PTPRT: variants seen among roughly 807,000 people sequenced by gnomAD.
The protein encoded by PTPRT is receptor-type tyrosine-protein phosphatase T.
Under a neutral mutation model 176.8 loss-of-function variants are expected in PTPRT, and 56 were observed. The ratio of observed to expected loss-of-function variants is 0.32; its 90% CI spans 0.26 to 0.40. The LOEUF (loss-of-function observed/expected upper bound fraction) is 0.40. PTPRT is among the 10% of genes least tolerant of loss of function. The pLI, the probability that PTPRT is intolerant of heterozygous loss-of-function variation, is 1.00. For synonymous variants in PTPRT, 783 were observed against 739.0 expected (o/e 1.06, Z -0.96); for missense variants, 1,540 against 1,908.2 (o/e 0.81, Z 3.60).
At position 42,954,025 on chromosome 20, in the gene PTPRT, A is replaced by T. The variant is rs1215312643; in HGVS notation, c.89-68093T>A. Among the ~76,000 whole-genome samples the T allele has an allele frequency of 2.0e-5, 3 of 152,066 alleles. No homozygotes were observed. The South Asian group carries it at 6.2e-4, about 32-fold the overall frequency. ...CTGGGAGATAATGGACGAGTCTGGG[A>T]GATGTCACAGGGGGAGGAGGGACTC... On this transcript the variant is annotated intron_variant, in intron 1 of 30. Coordinates refer to ENST00000373187, the MANE Select transcript of PTPRT (RefSeq NM_007050.6).
At chr20:42,170,991 A>G (rs1375460971) in intron 16 of PTPRT, among the ~76,000 whole-genome samples, 2 of 152,214 alleles carry the variant, frequency 1.3e-5, no homozygotes, top group Non-Finnish European at 2.9e-5. Context: ...ATGTATAAAA[A>G]ATCAGAAACT....
chr20:43,128,041 G>C (rs986946509), intron 1 of PTPRT, among the ~76,000 whole-genome samples: 16 of 152,214 alleles, frequency 1.1e-4, no homozygotes, highest in African/African-American at 3.6e-4. Flanking sequence ...TCTTTCCATA[G>C]TAGCGGTTAT....
chr20:42,540,796 T>C (rs2072565208), intron 7 of PTPRT, among the ~76,000 whole-genome samples: 1 of 152,156 alleles, frequency 6.6e-6, no homozygotes, highest in Non-Finnish European at 1.5e-5. Context: ...AGCATTTACA[T>C]AGTCAAAATA....
chr20:43,182,315 C>G (rs1026686071), intron 1 of PTPRT, among the ~76,000 whole-genome samples: 2 of 151,952 alleles, frequency 1.3e-5, no homozygotes, highest in Admixed American at 1.3e-4. Context: ...AACATGTAGT[C>G]GGCAGCACTG....
intron 6 of PTPRT, among the ~76,000 whole-genome samples, chr20:42,738,911 A>G (rs2076571451): frequency 6.6e-6 from 1 of 152,154 alleles, no homozygotes; most frequent in Non-Finnish European, 1.5e-5. Flanking sequence ...GTCTCTCCAA[A>G]GAATATAAAA....
chr20:42,975,973 G>A (rs536185406), intron 1 of PTPRT, among the ~76,000 whole-genome samples: 1 of 150,748 alleles, frequency 6.6e-6, no homozygotes, highest in Admixed American at 6.6e-5. Flanking sequence ...TGAAGCACTC[G>A]ATCTTCTCAC....
At chr20:42,088,843 G>A (rs1342293115) in intron 27 of PTPRT, among the ~76,000 whole-genome samples, 1 of 152,176 alleles carries the variant, frequency 6.6e-6, no homozygotes, top group Non-Finnish European at 1.5e-5. Context: ...CATAATTCAT[G>A]TAAATAAACC....
intron 7 of PTPRT, among the ~76,000 whole-genome samples, chr20:42,655,408 T>C (rs969261): frequency 0.48 from 73,179 of 152,016 alleles, 19,110 homozygotes; most frequent in Admixed American, 0.58. Context: ...GGAGAATCAC[T>C]TGAAACTGGG....
chr20:42,322,243 G>A (rs1181384027), intron 11 of PTPRT, among the ~76,000 whole-genome samples: 2 of 150,912 alleles, frequency 1.3e-5, no homozygotes, highest in African/African-American at 4.9e-5. Flanking sequence ...TTTCTTCACA[G>A]AATTGGAAAA....
intron 6 of PTPRT, among the ~76,000 whole-genome samples, chr20:42,740,378 A>T (rs2076590556): frequency 1.3e-5 from 2 of 152,148 alleles, no homozygotes; most frequent in Admixed American, 1.3e-4. Context: ...TTATCCAGTT[A>T]GAGTTGGGTG....
chr20:42,180,025 A>T (rs2903465), intron 16 of PTPRT, among the ~76,000 whole-genome samples: 51,426 of 152,112 alleles, frequency 0.34, 9,146 homozygotes, highest in Admixed American at 0.38. Flanking sequence ...TCCTGCAGAT[A>T]GACGTGTTTT....
chr20:42,764,164 G>A (rs2076952569), intron 5 of PTPRT, among the ~76,000 whole-genome samples: 1 of 152,100 alleles, frequency 6.6e-6, no homozygotes, highest in African/African-American at 2.4e-5. Context: ...CATCAAATCT[G>A]AAAAGAGAAG....
intron 19 of PTPRT, among the ~76,000 whole-genome samples, chr20:42,121,603 G>C (rs1987592115): frequency 6.6e-6 from 1 of 151,914 alleles, no homozygotes; most frequent in South Asian, 2.1e-4. Context: ...AAGCTACTTA[G>C]TCTCATTGTG....
intron 1 of PTPRT, among the ~76,000 whole-genome samples, chr20:43,108,738 G>A (rs2146337940): frequency 6.6e-6 from 1 of 152,190 alleles, no homozygotes; most frequent in African/African-American, 2.4e-5. Context: ...TGTATTTGAA[G>A]CCAATAATGT....
intron 12 of PTPRT, among the ~76,000 whole-genome samples, chr20:42,299,349 T>C (rs919948268): frequency 1.3e-5 from 2 of 152,018 alleles, no homozygotes; most frequent in African/African-American, 4.8e-5. Flanking sequence ...CATATTCTAG[T>C]GAAAGAAAAA....
rs987326879 is a variant in PTPRT at position 42,382,054 on chromosome 20, C to T, written c.1561-29769G>A. 3.9e-5 allele frequency among the ~76,000 whole-genome samples: 6 copies of T among 152,134 alleles called. No individual in the cohort carries two copies. In the East Asian group the frequency reaches 5.8e-4, roughly 15 times the overall value. ...ATACATTGCTAATGAAAAATAAGAC[C>T]CTTTCCTATTTTACCTACTTTCTGA... is the stretch of plus-strand genomic sequence containing the variant. On this transcript the variant is annotated intron_variant, in intron 9 of 30. Coordinates refer to ENST00000373187, the MANE Select transcript of PTPRT (RefSeq NM_007050.6).
rs137988752 is a variant in PTPRT, at chr20:42,259,276, G to A, written c.2177-10454C>T. ...GCTAAATGAGACTCTGATAGAGAAC[G>A]TCTTCTGGATGTAAGAAAACTCCTT... On this transcript the variant is annotated intron_variant, in intron 13 of 30. Coordinates refer to ENST00000373187, the MANE Select transcript of PTPRT (RefSeq NM_007050.6). Among the ~76,000 whole-genome samples, 458 of 152,324 alleles carry A rather than the reference G, an allele frequency of 3.0e-3. 1 individual carries two copies. Among genetic ancestry groups the A allele is most frequent in the African/African-American group, 0.01 (423 of 41,568 alleles).
intron 17 of PTPRT, among the ~76,000 whole-genome samples, chr20:42,147,563 C>A (rs1988925396): frequency 6.6e-6 from 1 of 152,236 alleles, no homozygotes; most frequent in Admixed American, 6.5e-5. Context: ...TCATGAAAGT[C>A]TCTTGTATTC....
chr20:42,119,870 G>A (rs1442860246), intron 20 of PTPRT, 65 bp downstream of exon 20: 1 of 1,430,600 alleles, frequency 7.0e-7, no homozygotes, highest in Non-Finnish European at 9.7e-7. Flanking sequence ...TTGCAGTTAA[G>A]AGAGCCCTTT....
Sources: gnomAD v4.1 joint callset for allele counts (sites outside exome capture counted in the v4.1 genomes callset) on GRCh38, gnomAD v4.1.1 for gene constraint, MANE v1.5 for transcripts, NCBI Gene and HGNC (gene_info 2026-07-23, HGNC 2026-07-21) for gene names.